The following SHOC1 variants were observed in gnomAD, a reference collection of about 807,000 sequenced individuals.
SHOC1 encodes shortage in chiasmata 1, also known as protein shortage in chiasmata 1 ortholog.
A neutral mutation model predicts 179.2 loss-of-function variants in SHOC1; 136 were observed. The observed-to-expected ratio is 0.76, with a 90% CI of 0.66 to 0.87. The LOEUF (loss-of-function observed/expected upper bound fraction) is 0.87. Among genes scored for constraint, SHOC1 ranks in the 40% least tolerant of loss-of-function variants. SHOC1 has a pLI of 0.00. For missense variants in SHOC1, 1,538 were observed against 1,700.8 expected (o/e 0.90, Z 1.68); for synonymous variants, 489 against 586.6 (o/e 0.83, Z 2.41).
At chr9:111,745,148 A>G (rs149546910) in intron 10 of SHOC1, among the ~76,000 whole-genome samples, 2 of 152,128 alleles carry the variant, frequency 1.3e-5, no homozygotes, top group African/African-American at 4.8e-5. Flanking sequence ...GAGAGCAAGG[A>G]CTCTTGCACT....
intron 5 of SHOC1, among the ~76,000 whole-genome samples, chr9:111,774,151 T>G (rs1220080528): frequency 6.6e-6 from 1 of 152,110 alleles, no homozygotes; most frequent in Non-Finnish European, 1.5e-5. Flanking sequence ...AACCCATTAG[T>G]TTTTATAAGC....
Position 111,714,455 on chromosome 9 carries a change from T to C in SHOC1, c.2405A>G (p.Gln802Arg), listed in dbSNP as rs111707868. The change falls in exon 17 of 28, where the codon CAG becomes CGG. Residue 802 changes from glutamine to arginine, a missense_variant. Physicochemically the swap from Gln to Arg is conservative, Grantham distance 43. Coordinates refer to ENST00000682961, the MANE Select transcript of SHOC1 (RefSeq NM_001378211.1). ...CQILSWMQSQ[Q>R]QIKVLIIIRM... ...ATTCCAATACTTAACCTTAATTTGCTGTTGACTTTGCATCCAACTTAGTAT... is the reference window on the plus strand; with the variant it reads ...ATTCCAATACTTAACCTTAATTTGCCGTTGACTTTGCATCCAACTTAGTAT... 1 of 1,613,594 alleles carries C rather than the reference T, an allele frequency of 6.2e-7. No individual in the cohort carries two copies.
chr9:111,777,558 A>G lies in SHOC1; in HGVS notation c.258-1583T>C, dbSNP rs188338542. Among the ~76,000 whole-genome samples, 15 of 152,238 alleles carry G rather than the reference A, an allele frequency of 9.9e-5. 1 individual carries two copies. The East Asian group carries it at 2.9e-3, about 29-fold the overall frequency. ...TTTGCGAAGGCGGTTTCAACTTCCT[A>G]CTGTTGCTAGTCCTGAGGACATCTT... On this transcript the variant is annotated intron_variant, in intron 4 of 27. Transcript: ENST00000682961.
At chr9:111,730,999 C>T (rs905500217) in intron 12 of SHOC1, among the ~76,000 whole-genome samples, 2 of 152,150 alleles carry the variant, frequency 1.3e-5, no homozygotes, top group African/African-American at 2.4e-5. Context: ...TTTTATGTTA[C>T]GGAGATGACT....
At chr9:111,774,456 C>T (rs1835749567) in intron 5 of SHOC1, among the ~76,000 whole-genome samples, 1 of 152,088 alleles carries the variant, frequency 6.6e-6, no homozygotes, top group South Asian at 2.1e-4. Flanking sequence ...GCCACCACAC[C>T]TGGCTAATTT....
chr9:111,735,679 T>A lies in SHOC1; in HGVS notation c.1417+2601A>T, dbSNP rs375856566. Among the ~76,000 whole-genome samples the A allele has an allele frequency of 2.3e-4, 35 of 152,314 alleles. 1 individual carries two copies. The highest frequency in any genetic ancestry group is 1.3e-3 in the East Asian group (7 of 5,188). ...CATGTGTCTTTATAGCAGAATGATT[T>A]ATAATCCTTTGGGTATATACCCAGT... On this transcript the variant is annotated intron_variant, in intron 12 of 27. Coordinates refer to ENST00000682961, the MANE Select transcript of SHOC1 (RefSeq NM_001378211.1).
At chr9:111,759,536 C>G (rs1482895459) in intron 5 of SHOC1, 1 of 1,165,650 alleles carries the variant, frequency 8.6e-7, no homozygotes, top group Non-Finnish European at 1.1e-6. Context: ...AGCTGTCTAA[C>G]AGCTTTAACA....
chr9:111,693,815 G>A lies in SHOC1; in HGVS notation c.3449C>T (p.Pro1150Leu), dbSNP rs1310924406. ...ATAACTAACCTTTAACACTTTTTCT[G>A]GGACTTCAGGTAGGAGTTCCTGAAG... ...CQLQELLPEV[P>L]EKVLKHFCSI... The change falls in exon 26 of 28, where the codon CCA becomes CTA. Residue 1150 changes from proline to leucine, a missense_variant. Pro to Leu is a moderately conservative substitution (Grantham distance 98). Coordinates refer to ENST00000682961, the MANE Select transcript of SHOC1 (RefSeq NM_001378211.1). 5 of 1,605,702 alleles carry A rather than the reference G, an allele frequency of 3.1e-6. No homozygotes were observed. The highest frequency in any genetic ancestry group is 1.7e-4 in the Middle Eastern group (1 of 6,020).
chr9:111,718,337 T>G, intron 15 of SHOC1, 49 bp from the exon 16 acceptor site: 3 of 1,206,018 alleles, frequency 2.5e-6, no homozygotes, highest in Non-Finnish European at 3.5e-6. Flanking sequence ...CATTACAGTT[T>G]TAGAATATGT....
intron 10 of SHOC1, among the ~76,000 whole-genome samples, chr9:111,742,190 T>C (rs1834075546): frequency 6.6e-6 from 1 of 152,186 alleles, no homozygotes; most frequent in African/African-American, 2.4e-5. Flanking sequence ...GTTTTAGCAC[T>C]TCCCTCCATA....
chr9:111,730,839 C>T (rs546241507), intron 12 of SHOC1, among the ~76,000 whole-genome samples: 3 of 152,302 alleles, frequency 2.0e-5, no homozygotes, highest in East Asian at 1.9e-4. Flanking sequence ...CTATAAAAGT[C>T]CTAGATAACA....
chr9:111,714,450 T>G lies in SHOC1; in HGVS notation c.2410A>C (p.Ile804Leu). Residue 804 changes from isoleucine (I) to leucine (L), a missense_variant, in exon 17 of 28, where the codon ATT (isoleucine) becomes CTT (leucine). Physicochemically the swap from Ile to Leu is conservative, Grantham distance 5 (BLOSUM62 2). Transcript: ENST00000682961. ...ILSWMQSQQQ[I>L]KVLIIIRMDS... Reference sequence around the variant, plus strand: ...GCTTTATTCCAATACTTAACCTTAATTTGCTGTTGACTTTGCATCCAACTT... The same window carrying G: ...GCTTTATTCCAATACTTAACCTTAAGTTGCTGTTGACTTTGCATCCAACTT... 6.2e-7 allele frequency: 1 copy of G among 1,613,452 alleles called. No homozygotes were observed. The highest frequency in any genetic ancestry group is 1.1e-5 in the South Asian group (1 of 90,884).
At chr9:111,756,610 G>T in intron 7 of SHOC1, 132 bp from the exon 8 acceptor site, 1 of 715,172 alleles carries the variant, frequency 1.4e-6, no homozygotes, top group Non-Finnish European at 2.3e-6. Flanking sequence ...AATTGTTAAA[G>T]CTATATATAC....
At chr9:111,702,977 G>T (rs1163487545) in intron 22 of SHOC1, among the ~76,000 whole-genome samples, 1 of 152,118 alleles carries the variant, frequency 6.6e-6, no homozygotes, top group African/African-American at 2.4e-5. Flanking sequence ...GGGTGCAGTG[G>T]AGCGTGCCTG....
At chr9:111,701,220 C>A (rs139878606) in intron 23 of SHOC1, among the ~76,000 whole-genome samples, 162 of 152,236 alleles carry the variant, frequency 1.1e-3, no homozygotes, top group African/African-American at 3.8e-3. Flanking sequence ...CAAACAATTT[C>A]TTTTGTATTT....
intron 5 of SHOC1, among the ~76,000 whole-genome samples, chr9:111,766,187 A>C (rs1040704384): frequency 6.6e-6 from 1 of 152,170 alleles, no homozygotes; most frequent in Non-Finnish European, 1.5e-5. Flanking sequence ...TTCACTTAAC[A>C]TAAAGGCCTC....
intron 5 of SHOC1, among the ~76,000 whole-genome samples, chr9:111,762,554 A>G (rs899062430): frequency 2.0e-5 from 3 of 152,238 alleles, no homozygotes; most frequent in African/African-American, 7.2e-5. Context: ...TCACAATAGT[A>G]AAACAATTTA....
Position 111,785,967 on chromosome 9 carries a change from A to G in SHOC1, c.114T>C (p.Asp38=), listed in dbSNP as rs1421712662. 2.4e-5 allele frequency: 37 copies of G among 1,531,326 alleles called. No individual in the cohort carries two copies. Among genetic ancestry groups the G allele is most frequent in the Non-Finnish European group, 3.2e-5 (37 of 1,138,986 alleles). The allele number at this position is 1,531,326 out of a possible 1,614,324, so 94.9% of individuals were successfully genotyped here. The change falls in exon 3 of 28, where the codon GAT becomes GAC. Residue 38 remains aspartate (D), a synonymous_variant. Coordinates refer to ENST00000682961, the MANE Select transcript of SHOC1 (RefSeq NM_001378211.1). ...CAGTAACTGCTACATGGTAACTTTC[A>G]TCTTGATATAAACATGAAGGGATTC... is the stretch of plus-strand genomic sequence containing the variant. ...LLRIPSCLYQ[D]ESYHVAVTDN...
chr9:111,750,689 T>C (rs1037107008), intron 8 of SHOC1, among the ~76,000 whole-genome samples: 2 of 152,164 alleles, frequency 1.3e-5, no homozygotes, highest in African/African-American at 4.8e-5. Flanking sequence ...TTTTGGGGGT[T>C]GTTTGCTTTT....
Sources: allele counts gnomAD v4.1 joint callset (sites outside exome capture counted in the v4.1 genomes callset), GRCh38; gene constraint gnomAD v4.1.1; transcripts MANE v1.5; gene names NCBI Gene and HGNC (gene_info 2026-07-23, HGNC 2026-07-21).